Variants in LDB2 observed in about 807,000 individuals in gnomAD.
LDB2 encodes LIM domain binding 2.
A neutral mutation model predicts 44.3 loss-of-function variants in LDB2; 12 were observed. The observed-to-expected ratio is 0.27, with a 90% CI of 0.17 to 0.44. The LOEUF (loss-of-function observed/expected upper bound fraction) is 0.44, where lower values mean the gene tolerates loss of function less well. Ranked by LOEUF, LDB2 falls within the 20% of genes least tolerant of loss-of-function variation. The pLI is 1.00. For missense variants in LDB2, 344 were observed against 473.5 expected (o/e 0.73, Z 2.54); for synonymous variants, 164 against 174.8 (o/e 0.94, Z 0.49).
intron 1 of LDB2, among the ~76,000 whole-genome samples, chr4:16,897,541 G>A (rs1725397135): frequency 6.6e-6 from 1 of 152,080 alleles, no homozygotes; most frequent in African/African-American, 2.4e-5. Context: ...TGAAAGTCCT[G>A]TTCTCTCTGC....
In LDB2 at chr4:16,891,304, CTTTTTTTTTTTTTTT is replaced by C. The variant is rs559119712; in HGVS notation, c.132+7035_132+7049del. Among the ~76,000 whole-genome samples the C allele has an allele frequency of 6.4e-5, 5 of 77,550 alleles. No homozygotes were observed. In the East Asian group the frequency reaches 2.0e-3, roughly 32 times the overall value. 50.9% of individuals were successfully genotyped at this position (77,550 alleles called of 152,430 possible). On this transcript the variant is annotated intron_variant, in intron 1 of 7. Transcript: ENST00000304523. ...AGATAAAGTGGGAATCTTAAGTATT[CTTTTTTTTTTTTTTT>C]TTTTTTTTTTTGAGATGGAGTCTCA...
chr4:16,502,729 G>A lies in LDB2; in HGVS notation c.1036C>T (p.Leu346=), dbSNP rs79672412. The change falls in exon 8 of 8, where the codon CTG becomes TTG. Residue 346 remains leucine, a synonymous_variant. Transcript: ENST00000304523. The part of the protein sequence containing the change: ...DEEDFNNSPA[L]GNNSPWNSKP... ...CTGTTCCACGGGCTGTTGTTCCCCA[G>A]CGCGGGTGAATTGTTGAAGTCCTCC... 6.7e-3 allele frequency: 10,867 copies of A among 1,613,944 alleles called. 45 individuals are homozygous for A. Among genetic ancestry groups the A allele is most frequent in the Non-Finnish European group, 7.4e-3 (8,742 of 1,179,938 alleles).
chr4:16,715,375 T>C (rs1047909516), intron 2 of LDB2, among the ~76,000 whole-genome samples: 4 of 152,252 alleles, frequency 2.6e-5, no homozygotes, highest in Non-Finnish European at 4.4e-5. Flanking sequence ...GCTTTTTGAA[T>C]GAATAAATGC....
At chr4:16,894,072 A>G (rs34868610) in intron 1 of LDB2, among the ~76,000 whole-genome samples, 8,426 of 152,198 alleles carry the variant, frequency 0.055, 266 homozygotes, top group African/African-American at 0.065. Context: ...AAATGAAAAA[A>G]TACATTGTTT....
intron 1 of LDB2, among the ~76,000 whole-genome samples, chr4:16,760,487 A>G (rs1459130569): frequency 6.6e-6 from 1 of 152,038 alleles, no homozygotes. Context: ...CACCATAGCA[A>G]AAGCCAATCC....
chr4:16,631,978 C>A (rs1157393447), intron 2 of LDB2, among the ~76,000 whole-genome samples: 1 of 152,070 alleles, frequency 6.6e-6, no homozygotes, highest in Non-Finnish European at 1.5e-5. Flanking sequence ...CAAGACCAGA[C>A]TGATTCACAG....
At chr4:16,792,512 C>T (rs1252301958) in intron 1 of LDB2, among the ~76,000 whole-genome samples, 1 of 152,166 alleles carries the variant, frequency 6.6e-6, no homozygotes, top group African/African-American at 2.4e-5. Flanking sequence ...ATGAAAGTGT[C>T]ACAGAGTTGA....
chr4:16,689,004 G>A (rs1749935025), intron 2 of LDB2, among the ~76,000 whole-genome samples: 1 of 152,210 alleles, frequency 6.6e-6, no homozygotes, highest in South Asian at 2.1e-4. Context: ...TTAAACAGAT[G>A]ACAGAGGAGC....
chr4:16,803,872 A>T (rs564353114), intron 1 of LDB2, among the ~76,000 whole-genome samples: 4 of 152,358 alleles, frequency 2.6e-5, no homozygotes, highest in Admixed American at 2.0e-4. Context: ...TTTACTTTTT[A>T]AAAAATATAT....
intron 1 of LDB2, among the ~76,000 whole-genome samples, chr4:16,867,025 G>A (rs537754805): frequency 6.6e-6 from 1 of 152,266 alleles, no homozygotes; most frequent in African/African-American, 2.4e-5. Context: ...TACCTTCAGG[G>A]ACTAGGTGCT....
At chr4:16,644,420 T>C (rs1035140160) in intron 2 of LDB2, among the ~76,000 whole-genome samples, 1 of 150,848 alleles carries the variant, frequency 6.6e-6, no homozygotes, top group East Asian at 1.9e-4. Context: ...CATGAACCAA[T>C]TTTTTTTTCT....
Position 16,512,124 on chromosome 4 carries a change from A to G in LDB2, c.616-20T>C, listed in dbSNP as rs1035783269. 6 of 1,586,474 alleles carry G rather than the reference A, an allele frequency of 3.8e-6. No homozygotes were observed. Among genetic ancestry groups the G allele is most frequent in the South Asian group, 1.1e-5 (1 of 87,660 alleles). On this transcript the variant is annotated intron_variant, in intron 5 of 7. Coordinates refer to ENST00000304523, the MANE Select transcript of LDB2 (RefSeq NM_001290.5). ...ACACAACTGCAAGAAGTTCAAAGAC[A>G]TTGGCATTTCACTACTTCATAACAC...
chr4:16,597,503 T>C (rs1721304578), intron 2 of LDB2, among the ~76,000 whole-genome samples: 1 of 152,238 alleles, frequency 6.6e-6, no homozygotes, highest in Non-Finnish European at 1.5e-5. Context: ...AAAATCCATA[T>C]TGTACTTCAC....
intron 1 of LDB2, among the ~76,000 whole-genome samples, chr4:16,759,655 A>G (rs192630233): frequency 5.9e-5 from 9 of 152,304 alleles, no homozygotes; most frequent in South Asian, 4.1e-4. Context: ...AGAAACCACA[A>G]TATTACAACC....
At chr4:16,664,706 A>C (rs796108864) in intron 2 of LDB2, among the ~76,000 whole-genome samples, 11 of 152,362 alleles carry the variant, frequency 7.2e-5, no homozygotes, top group African/African-American at 2.6e-4. Flanking sequence ...ACAAGGCATA[A>C]AATAATGGAT....
chr4:16,609,355 G>C (rs944496006), intron 2 of LDB2, among the ~76,000 whole-genome samples: 2 of 148,886 alleles, frequency 1.3e-5, no homozygotes, highest in Admixed American at 6.6e-5. Flanking sequence ...AGGGGGCGGG[G>C]GGGGGAGGGG....
At chr4:16,844,501 G>A (rs1262678958) in intron 1 of LDB2, among the ~76,000 whole-genome samples, 1 of 152,072 alleles carries the variant, frequency 6.6e-6, no homozygotes, top group African/African-American at 2.4e-5. Context: ...TTATGGTAAA[G>A]ATATTAAGGA....
At chr4:16,879,010 T>C (rs1242985422) in intron 1 of LDB2, among the ~76,000 whole-genome samples, 1 of 152,202 alleles carries the variant, frequency 6.6e-6, no homozygotes, top group Non-Finnish European at 1.5e-5. Context: ...ATACTTTAGT[T>C]AGTATGAGTT....
chr4:16,629,996 C>G (rs1731448611), intron 2 of LDB2, among the ~76,000 whole-genome samples: 1 of 152,128 alleles, frequency 6.6e-6, no homozygotes, highest in Admixed American at 6.5e-5. Context: ...AGAATGGAAC[C>G]AACTTGGAAA....
Sources: allele counts gnomAD v4.1 joint callset (sites outside exome capture counted in the v4.1 genomes callset), GRCh38; gene constraint gnomAD v4.1.1; transcripts MANE v1.5; gene names NCBI Gene and HGNC (gene_info 2026-07-23, HGNC 2026-07-21).